ZNF182: variants seen among roughly 807,000 people sequenced by gnomAD.
The protein encoded by ZNF182 is zinc finger protein 182, also known as zinc finger protein 21 (KOX 14).
ZNF182 carries 10 observed loss-of-function variants against 28.1 expected under a neutral mutation model. That is an observed-to-expected ratio of 0.36 (90% confidence interval 0.22 to 0.60). The LOEUF is 0.60. ZNF182 is among the 20% of genes least tolerant of loss of function. The probability of loss-of-function intolerance (pLI) is 0.75; values close to 1 mark genes in which losing one functional copy is unlikely to be tolerated. For missense variants in ZNF182, 352 were observed against 453.2 expected, an observed-to-expected ratio of 0.78 and a Z score of 2.03; for synonymous variants, 156 against 158.7, an observed-to-expected ratio of 0.98 and a Z score of 0.13.
In ZNF182 at chrX:47,987,606, A is replaced by ACGAGG. The variant is rs1248509738; in HGVS notation, c.16-4200_16-4196dup. Reference sequence around the variant, plus strand: ...TAAAGAAGGGAGATGCAAATATGCAACGAGGGATGACTAAGATTCCCAGGA... The same window carrying ACGAGG: ...TAAAGAAGGGAGATGCAAATATGCAACGAGGCGAGGGATGACTAAGATTCCCAGGA... On this transcript the variant is annotated intron_variant, in intron 3 of 5. Coordinates refer to ENST00000376943, the MANE Select transcript of ZNF182 (RefSeq NM_001007088.2). Among the ~76,000 whole-genome samples, 10 of 112,562 alleles carry ACGAGG rather than the reference A, an allele frequency of 8.9e-5. No individual in the cohort carries two copies. The East Asian group carries it at 2.8e-3, about 31-fold the overall frequency.
At chrX:47,995,461 C>T (rs1556900979) in intron 3 of ZNF182, among the ~76,000 whole-genome samples, 1 of 112,006 alleles carries the variant, frequency 8.9e-6, no homozygotes, top group African/African-American at 3.2e-5. Flanking sequence ...CAAGGTAAAC[C>T]AATAAAAATT....
At position 47,977,442 on chromosome X, in the gene ZNF182, A is replaced by C; in HGVS notation, c.588T>G (p.Leu196=). 8.3e-7 allele frequency: 1 copy of C among 1,211,664 alleles called. No individual in the cohort carries two copies. The highest frequency in any genetic ancestry group is 1.1e-6 in the Non-Finnish European group (1 of 895,496). ...PYGYKECGKG[L]RRKKGLSLHQ... ...GTAGACTAAGGCCTTTCTTTCGCCT[A>C]AGACCTTTCCCACACTCTTTATAGC... The change falls in exon 6 of 6, where the codon CTT becomes CTG. Residue 196 remains leucine, a synonymous_variant. Transcript: ENST00000376943.
chrX:48,003,698 C>G lies in ZNF182; in HGVS notation c.-235G>C, dbSNP rs1458376661. 1 of 112,115 alleles carries G rather than the reference C, an allele frequency of 8.9e-6. No homozygotes were observed. Among genetic ancestry groups the G allele is most frequent in the Non-Finnish European group, 1.9e-5 (1 of 53,188 alleles). The allele number at this position is 112,115 out of a possible 1,213,427, so 9.2% of individuals were successfully genotyped here. ...CGCATGAACCTTTAGGGGCAGGTCA[C>G]TGTGCTGGAAAACGTGTAAAAGTCA... On this transcript the variant is annotated 5_prime_UTR_variant, in exon 2 of 6. Coordinates refer to ENST00000376943, the MANE Select transcript of ZNF182 (RefSeq NM_001007088.2).
rs1556902166 is a variant in ZNF182 at position 48,003,507 on chromosome X, C to G, written c.-45+1G>C. Reference sequence around the variant, plus strand: ...AGGTGCCTCTCCTTCCTTCTGCTCACCTCACCGGGGCCGCCTTGCCCAGAA... The same window carrying G: ...AGGTGCCTCTCCTTCCTTCTGCTCAGCTCACCGGGGCCGCCTTGCCCAGAA... On this transcript the variant is annotated splice_donor_variant, in intron 2 of 5. Transcript: ENST00000376943. LOFTEE classifies it low-confidence loss of function (5UTR_SPLICE). 8.9e-6 allele frequency: 1 copy of G among 111,844 alleles called. No individual in the cohort carries two copies. Among genetic ancestry groups the G allele is most frequent in the Non-Finnish European group, 1.9e-5 (1 of 53,164 alleles). The allele number at this position is 111,844 out of a possible 1,213,427, so 9.2% of individuals were successfully genotyped here. A position where few individuals can be genotyped will look rare whatever the true frequency, so the allele number is the denominator to read the frequency against.
At chrX:47,996,015 CAT>C (rs1233550084) in intron 3 of ZNF182, among the ~76,000 whole-genome samples, 13 of 112,608 alleles carry the variant, frequency 1.2e-4, no homozygotes, top group Non-Finnish European at 2.1e-4. Context: ...GGCAGTTCTT[CAT>C]AACAGGCAAT....
At chrX:47,998,175 C>T (rs1238609726) in intron 3 of ZNF182, among the ~76,000 whole-genome samples, 2 of 108,564 alleles carry the variant, frequency 1.8e-5, no homozygotes, top group Non-Finnish European at 3.8e-5. Flanking sequence ...ACCTCCGCCT[C>T]CTGTGTTCAA....
chrX:47,997,731 G>A (rs12557694), intron 3 of ZNF182, among the ~76,000 whole-genome samples: 3,473 of 111,142 alleles, frequency 0.031, 83 homozygotes, highest in African/African-American at 0.072. Flanking sequence ...GGGGGAGGTT[G>A]CTGTGAGCCA....
At chrX:47,991,321 T>C (rs2058940755) in intron 3 of ZNF182, among the ~76,000 whole-genome samples, 1 of 111,568 alleles carries the variant, frequency 9.0e-6, no homozygotes, top group African/African-American at 3.3e-5. Context: ...ACCCTACTGG[T>C]GCCTTGATCC....
At chrX:47,993,619 A>G (rs2058948881) in intron 3 of ZNF182, among the ~76,000 whole-genome samples, 1 of 112,275 alleles carries the variant, frequency 8.9e-6, no homozygotes, top group South Asian at 3.7e-4. Flanking sequence ...AGCCAACACA[A>G]AAATGCTCCC....
At chrX:47,996,664 G>GC (rs1221456425) in intron 3 of ZNF182, among the ~76,000 whole-genome samples, 1 of 112,047 alleles carries the variant, frequency 8.9e-6, no homozygotes, top group Non-Finnish European at 1.9e-5. Context: ...ATACATTGAA[G>GC]CCCCAACCTG....
chrX:47,985,988 G>A (rs887257708), intron 3 of ZNF182, among the ~76,000 whole-genome samples: 19 of 112,030 alleles, frequency 1.7e-4, no homozygotes, highest in African/African-American at 4.9e-4. Flanking sequence ...ACTCCACAAC[G>A]GAGGTAAAGA....
At chrX:47,997,721 G>C (rs1210083499) in intron 3 of ZNF182, among the ~76,000 whole-genome samples, 3 of 111,241 alleles carry the variant, frequency 2.7e-5, no homozygotes, top group South Asian at 3.8e-4. Context: ...GAAACCGGGA[G>C]GGGGAGGTTG....
At chrX:47,989,621 AG>A (rs1178799781) in intron 3 of ZNF182, among the ~76,000 whole-genome samples, 1 of 112,002 alleles carries the variant, frequency 8.9e-6, no homozygotes, top group Non-Finnish European at 1.9e-5. Flanking sequence ...AGAAATGCTG[AG>A]GAAGTCTTCC....
intron 3 of ZNF182, among the ~76,000 whole-genome samples, chrX:48,000,314 C>T (rs1373100615): frequency 9.0e-6 from 1 of 111,021 alleles, no homozygotes; most frequent in East Asian, 2.8e-4. Context: ...GTAATCCCAC[C>T]ACTTTGGGAG....
intron 3 of ZNF182, among the ~76,000 whole-genome samples, chrX:47,988,081 C>T (rs1465447588): frequency 9.0e-6 from 1 of 110,866 alleles, no homozygotes; most frequent in African/African-American, 3.3e-5. Context: ...CTTTGGGAGG[C>T]TGAGGTGGGT....
At chrX:47,994,023 A>G (rs2058950259) in intron 3 of ZNF182, among the ~76,000 whole-genome samples, 1 of 111,787 alleles carries the variant, frequency 8.9e-6, no homozygotes, top group Admixed American at 9.5e-5. Context: ...ACATAAACCT[A>G]CAGATTCAAG....
At chrX:47,980,000 G>A (rs933001688) in intron 5 of ZNF182, among the ~76,000 whole-genome samples, 9 of 110,269 alleles carry the variant, frequency 8.2e-5, no homozygotes, top group African/African-American at 3.0e-4. Context: ...TGGAGTGGAG[G>A]TTTGAAGGAA....
At chrX:47,985,722 T>A (rs2058921194) in intron 3 of ZNF182, among the ~76,000 whole-genome samples, 1 of 110,962 alleles carries the variant, frequency 9.0e-6, no homozygotes, top group African/African-American at 3.3e-5. Flanking sequence ...CCATTCACCA[T>A]CACCCCTAGT....
intron 3 of ZNF182, among the ~76,000 whole-genome samples, chrX:47,998,836 C>T (rs2058968226): frequency 1.2e-5 from 1 of 85,854 alleles, no homozygotes; most frequent in Non-Finnish European, 2.2e-5. Flanking sequence ...TCCTAAGTGA[C>T]AGAGCGAGAC....
Sources: allele counts gnomAD v4.1 joint callset (sites outside exome capture counted in the v4.1 genomes callset), GRCh38; gene constraint gnomAD v4.1.1; transcripts MANE v1.5; gene names NCBI Gene and HGNC (gene_info 2026-07-23, HGNC 2026-07-21).